TTC28: variants seen among roughly 807,000 people sequenced by gnomAD.
TTC28 encodes tetratricopeptide repeat domain 28.
In TTC28, 61 loss-of-function variants were observed where a neutral mutation model predicts 198.0. The observed-to-expected ratio is 0.31, with a 90% CI of 0.25 to 0.38. TTC28 has a LOEUF of 0.38. Among genes scored for constraint, TTC28 ranks in the 10% least tolerant of loss-of-function variants. The probability of loss-of-function intolerance (pLI) is 1.00; values close to 1 mark genes in which losing one functional copy is unlikely to be tolerated. For missense variants in TTC28, 2,678 were observed against 3,164.0 expected, an observed-to-expected ratio of 0.85 and a Z score of 3.69; for synonymous variants, 1,171 against 1,297.8, an observed-to-expected ratio of 0.90 and a Z score of 2.10.
chr22:28,472,625 C>T (rs1264387008), intron 2 of TTC28, among the ~76,000 whole-genome samples: 1 of 147,838 alleles, frequency 6.8e-6, no homozygotes, highest in Non-Finnish European at 1.5e-5. Flanking sequence ...GAAACTGCAA[C>T]CGTAAAATAA....
intron 5 of TTC28, among the ~76,000 whole-genome samples, chr22:28,254,103 CAAA>C (rs199693746): frequency 3.5e-5 from 3 of 86,820 alleles, no homozygotes; most frequent in Admixed American, 1.4e-4. Flanking sequence ...GACTCCATCT[CAAA>C]AAAAAAAAAA....
At chr22:28,287,438 T>C (rs532891007) in intron 5 of TTC28, among the ~76,000 whole-genome samples, 5 of 152,228 alleles carry the variant, frequency 3.3e-5, no homozygotes, top group Admixed American at 6.5e-5. Flanking sequence ...TACTGATAAA[T>C]TGGACTTAAC....
At position 28,629,812 on chromosome 22, in the gene TTC28, C is replaced by G; in HGVS notation, c.121G>C (p.Asp41His). Residue 41 changes from aspartate to histidine, a missense_variant, in exon 2 of 23, where the codon GAC (aspartate) becomes CAC (histidine). Transcript: ENST00000397906. ...TCAGGACTTCTCTGGCCAATAGTGT[C>G]AGCACCAAAGAGAGGAATCTACAAA... Reference protein sequence around the residue: ...ASAPIPLFGADTIGQRSPDGP... With the variant: ...ASAPIPLFGAHTIGQRSPDGP... The G allele has an allele frequency of 6.4e-7, 1 of 1,551,060 alleles. No individual in the cohort carries two copies. Among genetic ancestry groups the G allele is most frequent in the Non-Finnish European group, 8.7e-7 (1 of 1,146,748 alleles).
At chr22:28,119,614 T>C (rs1601339776) in intron 6 of TTC28, among the ~76,000 whole-genome samples, 2 of 152,288 alleles carry the variant, frequency 1.3e-5, no homozygotes, top group East Asian at 3.9e-4. Flanking sequence ...GTTGTCAAAA[T>C]ATCTGGGAGA....
chr22:28,424,010 A>G (rs16986403), intron 2 of TTC28, among the ~76,000 whole-genome samples: 2,419 of 152,314 alleles, frequency 0.016, 83 homozygotes, highest in African/African-American at 0.056. Flanking sequence ...GCACATAGAA[A>G]GGTACTATAA....
chr22:28,629,882 C>A (rs2051144698), intron 1 of TTC28, 52 bp from the exon 2 acceptor site: 7 of 1,437,662 alleles, frequency 4.9e-6, no homozygotes, highest in African/African-American at 2.9e-5. Flanking sequence ...CAGATGGGTT[C>A]CCCATCTGCT....
intron 12 of TTC28, among the ~76,000 whole-genome samples, chr22:28,050,774 C>T (rs183429546): frequency 3.3e-5 from 5 of 152,218 alleles, no homozygotes; most frequent in Admixed American, 1.3e-4. Context: ...TCATACTGTG[C>T]CGCTTCTAAT....
At position 27,985,291 on chromosome 22, in the gene TTC28, G is replaced by A. The variant is rs376514291; in HGVS notation, c.5773C>T (p.Arg1925Trp). The change falls in exon 22 of 23, where the codon CGG (arginine) becomes TGG (tryptophan). Residue 1925 changes from arginine (R) to tryptophan (W), a missense_variant. Physicochemically the swap from Arg to Trp is moderately radical, Grantham distance 101. This residue lies in a region of TTC28 where 314 missense variants were observed against 442.7 expected (regional missense o/e 0.71). Transcript: ENST00000397906. ...GACTGGAGCGCGAAGTGCACAGTCC[G>A]TCGATTAGCTTGCTTCCCGGTTTTC... is the stretch of plus-strand genomic sequence containing the variant. ...ILKTGKQANRRTVHFALQSLL... is the reference protein window; with the variant it reads ...ILKTGKQANRWTVHFALQSLL... The A allele has an allele frequency of 6.8e-5, 106 of 1,551,576 alleles. No individual in the cohort carries two copies. The highest frequency in any genetic ancestry group is 6.1e-4 in the East Asian group (25 of 40,902).
chr22:28,335,130 G>A (rs1227312456), intron 2 of TTC28, among the ~76,000 whole-genome samples: 3 of 152,124 alleles, frequency 2.0e-5, no homozygotes, highest in South Asian at 4.1e-4. Flanking sequence ...CCCATTGCTT[G>A]TTTTTGTCAG....
In TTC28 at chr22:28,107,213, G is replaced by T. The variant is rs575981061; in HGVS notation, c.2632C>A (p.Arg878=). 6.4e-7 allele frequency: 1 copy of T among 1,551,618 alleles called. No individual in the cohort carries two copies. Among genetic ancestry groups the T allele is most frequent in the Non-Finnish European group, 8.7e-7 (1 of 1,146,984 alleles). The change falls in exon 7 of 23, where the codon CGG becomes AGG. Residue 878 remains arginine, a synonymous_variant. Transcript: ENST00000397906. ...SGNESVLDRG[R]AYGNLGDCYE... ...CAATCCCCCAGGTTGCCATAGGCCC[G>T]GCCCCTGTCGAGCACAGACTCATTT...
intron 5 of TTC28, among the ~76,000 whole-genome samples, chr22:28,241,380 T>C (rs914931422): frequency 3.3e-5 from 5 of 152,004 alleles, no homozygotes; most frequent in African/African-American, 1.2e-4. Flanking sequence ...GAAAACTAAA[T>C]GCAAAATCTA....
chr22:28,010,918 G>A (rs959277059), intron 14 of TTC28, among the ~76,000 whole-genome samples: 3 of 152,162 alleles, frequency 2.0e-5, no homozygotes, highest in East Asian at 1.9e-4. Flanking sequence ...GACCGCCAAC[G>A]TGTACCAGGC....
chr22:28,357,322 T>TA (rs1289281898), intron 2 of TTC28, among the ~76,000 whole-genome samples: 3 of 146,972 alleles, frequency 2.0e-5, no homozygotes, highest in Admixed American at 6.8e-5. Context: ...CTTATTTTTT[T>TA]TTTTTTTTTT....
At chr22:28,351,765 T>C (rs1181332168) in intron 2 of TTC28, among the ~76,000 whole-genome samples, 5 of 152,180 alleles carry the variant, frequency 3.3e-5, no homozygotes, top group Non-Finnish European at 7.3e-5. Context: ...AAAAACATAC[T>C]AGTCAGCAAT....
In TTC28 at chr22:28,542,270, A is replaced by T. The variant is rs539332706; in HGVS notation, c.381+87282T>A. On this transcript the variant is annotated intron_variant, in intron 2 of 22. Transcript: ENST00000397906. Reference sequence around the variant, plus strand: ...TGCAGCAATAGAATCTATAGAAACCAAAGCACAAAGACTGAATAAAAATAG... The same window carrying T: ...TGCAGCAATAGAATCTATAGAAACCTAAGCACAAAGACTGAATAAAAATAG... Among the ~76,000 whole-genome samples, 38 of 152,280 alleles carry T rather than the reference A, an allele frequency of 2.5e-4. No individual in the cohort carries two copies. In the East Asian group the frequency reaches 6.9e-3, roughly 28 times the overall value.
chr22:28,333,453 TC>T (rs2045648818), intron 2 of TTC28, among the ~76,000 whole-genome samples: 1 of 152,104 alleles, frequency 6.6e-6, no homozygotes, highest in Non-Finnish European at 1.5e-5. Flanking sequence ...CAGCTATATA[TC>T]TCACATTGCA....
intron 2 of TTC28, among the ~76,000 whole-genome samples, chr22:28,585,859 G>A (rs1569041343): frequency 6.6e-6 from 1 of 151,964 alleles, no homozygotes; most frequent in Non-Finnish European, 1.5e-5. Context: ...GATAGCATTA[G>A]GAGAAATACC....
rs1388662003 is a variant in TTC28, at chr22:28,206,619, T to C, written c.934-43020A>G. Among the ~76,000 whole-genome samples, 3 of 152,288 alleles carry C rather than the reference T, an allele frequency of 2.0e-5. 1 individual carries two copies. In the South Asian group the frequency reaches 6.2e-4, roughly 32 times the overall value. On this transcript the variant is annotated intron_variant, in intron 5 of 22. Coordinates refer to ENST00000397906, the MANE Select transcript of TTC28 (RefSeq NM_001145418.2). The stretch of plus-strand genomic sequence containing the variant: ...GATGAGCTCTGATTAGTATTTTATC[T>C]GTTAAATCATTTAAGAACTAGGAGC...
chr22:28,098,863 C>A, intron 10 of TTC28, 52 bp downstream of exon 10: 2 of 1,534,312 alleles, frequency 1.3e-6, no homozygotes, highest in Non-Finnish European at 1.8e-6. Context: ...TGGACGCGCA[C>A]CCGTGCGCAC....
Sources: allele counts gnomAD v4.1 joint callset (sites outside exome capture counted in the v4.1 genomes callset), GRCh38; gene constraint gnomAD v4.1.1; regional missense constraint gnomAD v4.1.1; transcripts MANE v1.5; gene names NCBI Gene and HGNC (gene_info 2026-07-23, HGNC 2026-07-21).